The following LIN9 variants were observed in gnomAD, a reference collection of about 807,000 sequenced individuals.
LIN9 encodes protein lin-9 homolog.
Under a neutral mutation model 78.0 loss-of-function variants are expected in LIN9, and 18 were observed. The ratio of observed to expected loss-of-function variants is 0.23; its 90% CI spans 0.16 to 0.34. The LOEUF (loss-of-function observed/expected upper bound fraction) is 0.34, where lower values mean the gene tolerates loss of function less well. Ranked by LOEUF, LIN9 falls within the 10% of genes least tolerant of loss-of-function variation. LIN9 has a pLI of 1.00. For synonymous variants in LIN9, 192 were observed against 215.2 expected (o/e 0.89, Z 0.94); for missense variants, 451 against 644.1 (o/e 0.70, Z 3.25).
intron 6 of LIN9, among the ~76,000 whole-genome samples, chr1:226,285,660 A>G (rs1661344307): frequency 6.6e-6 from 1 of 152,194 alleles, no homozygotes; most frequent in Admixed American, 6.5e-5. Flanking sequence ...TAACACTGGA[A>G]AAGAAAAAAT....
At chr1:226,255,338 A>G (rs1276287958) in intron 10 of LIN9, among the ~76,000 whole-genome samples, 2 of 152,190 alleles carry the variant, frequency 1.3e-5, no homozygotes, top group Non-Finnish European at 2.9e-5. Context: ...CCAGAAGCTA[A>G]CATGCTAGGG....
chr1:226,245,467 G>A (rs1658416231), intron 11 of LIN9, among the ~76,000 whole-genome samples: 1 of 151,614 alleles, frequency 6.6e-6, no homozygotes, highest in African/African-American at 2.4e-5. Flanking sequence ...CTGTCACCCA[G>A]ACTGGAGTTC....
intron 1 of LIN9, among the ~76,000 whole-genome samples, chr1:226,302,658 T>C (rs1437535777): frequency 3.3e-5 from 5 of 152,012 alleles, no homozygotes; most frequent in Non-Finnish European, 5.9e-5. Context: ...CCAAGTCATC[T>C]GAAAAATAAT....
chr1:226,295,790 G>A (rs1662112341), intron 4 of LIN9, 52 bp downstream of exon 4: 4 of 1,064,186 alleles, frequency 3.8e-6, no homozygotes, highest in Non-Finnish European at 5.6e-6. Flanking sequence ...TTATTAGGCT[G>A]AGCATTTGCT....
intron 6 of LIN9, among the ~76,000 whole-genome samples, chr1:226,283,585 T>C (rs967594386): frequency 4.6e-5 from 7 of 152,146 alleles, no homozygotes; most frequent in Non-Finnish European, 8.8e-5. Context: ...TTTTTGGCCA[T>C]GTAAAACGTT....
At chr1:226,264,510 G>A (rs1311502600) in intron 10 of LIN9, among the ~76,000 whole-genome samples, 1 of 152,050 alleles carries the variant, frequency 6.6e-6, no homozygotes, top group Non-Finnish European at 1.5e-5. Context: ...AAAGAACACT[G>A]TGAATATTTT....
chr1:226,233,040 C>T (rs1481029762), intron 14 of LIN9, 56 bp downstream of exon 14: 1 of 1,046,038 alleles, frequency 9.6e-7, no homozygotes, highest in African/African-American at 1.6e-5. Context: ...AAAACCTGGA[C>T]TGAAAATTAC....
intron 11 of LIN9, among the ~76,000 whole-genome samples, chr1:226,248,354 A>G (rs1558161084): frequency 6.6e-6 from 1 of 152,234 alleles, no homozygotes; most frequent in Admixed American, 6.5e-5. Context: ...ACATGCCAGA[A>G]AAAATTTCGA....
chr1:226,302,438 G>A (rs1662607752), intron 1 of LIN9, among the ~76,000 whole-genome samples: 1 of 151,986 alleles, frequency 6.6e-6, no homozygotes, highest in Non-Finnish European at 1.5e-5. Context: ...AGCTACTCGG[G>A]AGGCTGAGGT....
chr1:226,267,878 A>G (rs1281381563), intron 8 of LIN9, 79 bp downstream of exon 8: 5 of 1,402,818 alleles, frequency 3.6e-6, no homozygotes, highest in African/African-American at 1.4e-5. Flanking sequence ...ATTCTATCAT[A>G]AAATACGATT....
At chr1:226,290,910 C>G (rs1661746949) in intron 4 of LIN9, among the ~76,000 whole-genome samples, 1 of 152,032 alleles carries the variant, frequency 6.6e-6, no homozygotes, top group Non-Finnish European at 1.5e-5. Flanking sequence ...GCACGTGCCG[C>G]CACACCTGGC....
At chr1:226,263,078 CA>C (rs1221191138) in intron 10 of LIN9, among the ~76,000 whole-genome samples, 1 of 151,990 alleles carries the variant, frequency 6.6e-6, no homozygotes, top group Non-Finnish European at 1.5e-5. Context: ...TGACAGTCTG[CA>C]AAAGATAAAA....
intron 4 of LIN9, among the ~76,000 whole-genome samples, chr1:226,291,451 AAAAAG>A (rs960505330): frequency 6.6e-6 from 1 of 152,100 alleles, no homozygotes; most frequent in African/African-American, 2.4e-5. Flanking sequence ...ATACATTTAG[AAAAAG>A]AAAAAATATA....
chr1:226,234,430 T>G (rs1259528526), intron 12 of LIN9, among the ~76,000 whole-genome samples: 1 of 152,194 alleles, frequency 6.6e-6, no homozygotes, highest in Admixed American at 6.5e-5. Flanking sequence ...TTTTATTCTA[T>G]GGGTTATAAT....
intron 12 of LIN9, among the ~76,000 whole-genome samples, chr1:226,235,521 G>T (rs1285380757): frequency 6.6e-6 from 1 of 152,020 alleles, no homozygotes; most frequent in African/African-American, 2.4e-5. Context: ...TAAAATTTTA[G>T]AATATTTGCA....
intron 11 of LIN9, among the ~76,000 whole-genome samples, chr1:226,246,263 T>G (rs1448063829): frequency 1.3e-5 from 2 of 152,234 alleles, no homozygotes. Flanking sequence ...CTTGTAACTT[T>G]ATCCTTGAAG....
At chr1:226,282,931 TTTTCC>T (rs1661160140) in intron 6 of LIN9, among the ~76,000 whole-genome samples, 1 of 152,228 alleles carries the variant, frequency 6.6e-6, no homozygotes, top group African/African-American at 2.4e-5. Flanking sequence ...AGCCATTTCT[TTTTCC>T]TTTCCTATCA....
chr1:226,283,971 C>T (rs1233923514), intron 6 of LIN9, among the ~76,000 whole-genome samples: 2 of 151,902 alleles, frequency 1.3e-5, no homozygotes, highest in East Asian at 3.9e-4. Flanking sequence ...GAGAGAAAGG[C>T]CTTTTCCAAT....
intron 10 of LIN9, among the ~76,000 whole-genome samples, chr1:226,258,223 A>G (rs1659330300): frequency 6.6e-6 from 1 of 151,684 alleles, no homozygotes; most frequent in Non-Finnish European, 1.5e-5. Context: ...AAACAGGGCT[A>G]GTCTCAGTGG....
Sources: gnomAD v4.1 joint callset for allele counts (sites outside exome capture counted in the v4.1 genomes callset) on GRCh38, gnomAD v4.1.1 for gene constraint, MANE v1.5 for transcripts, NCBI Gene and HGNC (gene_info 2026-07-23, HGNC 2026-07-21) for gene names.